CLSTN2: variants seen among roughly 807,000 people sequenced by gnomAD.
The protein encoded by CLSTN2 is calsyntenin-2.
CLSTN2 carries 48 observed loss-of-function variants against 101.2 expected under a neutral mutation model. The ratio of observed to expected loss-of-function variants is 0.47; its 90% confidence interval spans 0.38 to 0.60. The LOEUF (loss-of-function observed/expected upper bound fraction) is 0.60, where lower values mean the gene tolerates loss of function less well. CLSTN2 is among the 20% of genes least tolerant of loss of function. CLSTN2 has a pLI of 0.00. For synonymous variants in CLSTN2, 481 were observed against 463.6 expected, an observed-to-expected ratio of 1.04 and a Z score of -0.48; for missense variants, 1,160 against 1,238.2, an observed-to-expected ratio of 0.94 and a Z score of 0.95.
intron 1 of CLSTN2, among the ~76,000 whole-genome samples, chr3:139,993,403 G>T (rs1054207185): frequency 2.0e-5 from 3 of 152,092 alleles, no homozygotes; most frequent in Non-Finnish European, 4.4e-5. Context: ...ATACTGGGTG[G>T]CCCTTCGTTT....
chr3:140,572,624 C>A lies in CLSTN2; in HGVS notation c.*6371C>A, dbSNP rs1453943375. 1 of 152,224 alleles carries A rather than the reference C, an allele frequency of 6.6e-6. No individual in the cohort carries two copies. The highest frequency in any genetic ancestry group is 1.5e-5 in the Non-Finnish European group (1 of 68,092). 9.4% of individuals were successfully genotyped at this position (152,224 alleles called of 1,614,324 possible). A position where few individuals can be genotyped will look rare whatever the true frequency, so the allele number is the denominator to read the frequency against. On this transcript the variant is annotated 3_prime_UTR_variant, in exon 17 of 17. Coordinates refer to ENST00000458420, the MANE Select transcript of CLSTN2 (RefSeq NM_022131.3). ...TGCTGAGGAGCAGTGGTTCCCTGGG[C>A]CAGCTGCATCACCTGGGAACATGTG...
intron 9 of CLSTN2, among the ~76,000 whole-genome samples, chr3:140,542,197 G>C (rs113434556): frequency 2.0e-5 from 3 of 152,102 alleles, no homozygotes; most frequent in Non-Finnish European, 4.4e-5. Context: ...ATCATATCCT[G>C]CCTTAGAACA....
At chr3:140,249,457 G>T (rs145003089) in intron 2 of CLSTN2, among the ~76,000 whole-genome samples, 10 of 152,288 alleles carry the variant, frequency 6.6e-5, no homozygotes, top group Admixed American at 1.3e-4. Context: ...ACAAGGCAAG[G>T]TTGGGGCAGG....
chr3:140,539,541 C>T (rs1935426981), intron 9 of CLSTN2, among the ~76,000 whole-genome samples: 1 of 152,184 alleles, frequency 6.6e-6, no homozygotes, highest in Non-Finnish European at 1.5e-5. Flanking sequence ...ACAGTATCGT[C>T]TCTGAGATAC....
intron 1 of CLSTN2, among the ~76,000 whole-genome samples, chr3:139,984,315 T>A (rs1332294928): frequency 6.6e-6 from 1 of 152,130 alleles, no homozygotes; most frequent in Non-Finnish European, 1.5e-5. Flanking sequence ...AAACAAAGAA[T>A]GTTATCAAAG....
chr3:140,345,353 A>G (rs998783931), intron 2 of CLSTN2, among the ~76,000 whole-genome samples: 19 of 150,282 alleles, frequency 1.3e-4, no homozygotes, highest in Non-Finnish European at 2.8e-4. Context: ...GGTTCAAGCG[A>G]TTCTCCTGCC....
In CLSTN2 at chr3:140,540,204, T is replaced by G. The variant is rs536618787; in HGVS notation, c.1508-6311T>G. ...TTCTCAACCCCAGAGAGCTGACATTTGTTGTCATCGCTAAGTTGTATGTTT... is the reference window on the plus strand; with the variant it reads ...TTCTCAACCCCAGAGAGCTGACATTGGTTGTCATCGCTAAGTTGTATGTTT... On this transcript the variant is annotated intron_variant, in intron 9 of 16. Coordinates refer to ENST00000458420, the MANE Select transcript of CLSTN2 (RefSeq NM_022131.3). 7.6e-4 allele frequency among the ~76,000 whole-genome samples: 115 copies of G among 152,152 alleles called. 1 individual carries two copies. The highest frequency in any genetic ancestry group is 6.5e-4 in the Non-Finnish European group (44 of 68,026).
chr3:140,357,692 C>T (rs963722693), intron 2 of CLSTN2, among the ~76,000 whole-genome samples: 6 of 152,104 alleles, frequency 3.9e-5, no homozygotes, highest in East Asian at 1.9e-4. Flanking sequence ...CTATCTGTCT[C>T]ATTTTGTGTT....
intron 1 of CLSTN2, among the ~76,000 whole-genome samples, chr3:139,939,188 A>G (rs1001047686): frequency 1.3e-5 from 2 of 152,168 alleles, no homozygotes; most frequent in African/African-American, 4.8e-5. Flanking sequence ...TAACAACAGT[A>G]TGGTGTAATT....
chr3:139,944,967 A>C (rs879385221), intron 1 of CLSTN2, among the ~76,000 whole-genome samples: 1 of 152,234 alleles, frequency 6.6e-6, no homozygotes, highest in Non-Finnish European at 1.5e-5. Flanking sequence ...TCTCATTCAG[A>C]AAGGCTGTCG....
At chr3:139,964,881 G>A (rs973541709) in intron 1 of CLSTN2, among the ~76,000 whole-genome samples, 13 of 152,134 alleles carry the variant, frequency 8.5e-5, no homozygotes, top group Admixed American at 1.3e-4. Context: ...GTCCCATTAC[G>A]GCTGCCTCAC....
chr3:140,109,387 C>T (rs1032365609), intron 1 of CLSTN2, among the ~76,000 whole-genome samples: 3 of 152,112 alleles, frequency 2.0e-5, no homozygotes, highest in Non-Finnish European at 2.9e-5. Flanking sequence ...GTGACTCAAC[C>T]GAACCATGCC....
At chr3:140,557,953 G>C (rs972125069) in intron 11 of CLSTN2, among the ~76,000 whole-genome samples, 4 of 152,158 alleles carry the variant, frequency 2.6e-5, no homozygotes, top group African/African-American at 9.7e-5. Flanking sequence ...CTTTACTATA[G>C]GACAAAATTA....
chr3:139,964,291 C>T (rs1292738294), intron 1 of CLSTN2, among the ~76,000 whole-genome samples: 1 of 152,132 alleles, frequency 6.6e-6, no homozygotes, highest in African/African-American at 2.4e-5. Flanking sequence ...CAGGGAGTGC[C>T]CTTGGGACCT....
At chr3:140,494,036 C>A (rs558378897) in intron 8 of CLSTN2, among the ~76,000 whole-genome samples, 2 of 152,192 alleles carry the variant, frequency 1.3e-5, no homozygotes, top group Admixed American at 1.3e-4. Context: ...GGACTCCATA[C>A]AAGAAAAAAA....
chr3:140,429,351 A>T (rs1339655970), intron 5 of CLSTN2, among the ~76,000 whole-genome samples: 1 of 152,194 alleles, frequency 6.6e-6, no homozygotes, highest in Non-Finnish European at 1.5e-5. Context: ...CCGTGGGAAG[A>T]CAAAGGGGAT....
intron 2 of CLSTN2, among the ~76,000 whole-genome samples, chr3:140,177,329 C>T (rs964366222): frequency 6.6e-6 from 1 of 152,192 alleles, no homozygotes; most frequent in Non-Finnish European, 1.5e-5. Flanking sequence ...GAAGTATCTT[C>T]CCTAAACCTT....
chr3:140,228,576 T>A (rs2086343381), intron 2 of CLSTN2, among the ~76,000 whole-genome samples: 1 of 152,178 alleles, frequency 6.6e-6, no homozygotes, highest in Admixed American at 6.5e-5. Flanking sequence ...AGCACCCCAC[T>A]CTTGTAGTAC....
intron 1 of CLSTN2, among the ~76,000 whole-genome samples, chr3:140,103,441 C>G (rs1205022558): frequency 6.6e-6 from 1 of 152,196 alleles, no homozygotes; most frequent in East Asian, 1.9e-4. Flanking sequence ...GTCAACCTCC[C>G]ACGACTGCCA....
Sources: allele counts gnomAD v4.1 joint callset (sites outside exome capture counted in the v4.1 genomes callset), GRCh38; gene constraint gnomAD v4.1.1; transcripts MANE v1.5; gene names NCBI Gene and HGNC (gene_info 2026-07-23, HGNC 2026-07-21).